Variants in ERG observed in about 807,000 individuals in gnomAD.
ERG encodes transcriptional regulator ERG.
A neutral mutation model predicts 55.3 loss-of-function variants in ERG; 9 were observed. The ratio of observed to expected loss-of-function variants is 0.16; its 90% CI spans 0.10 to 0.28. The LOEUF is 0.28. ERG is among the 10% of genes least tolerant of loss of function. The probability of loss-of-function intolerance (pLI) is 1.00; values close to 1 mark genes in which losing one functional copy is unlikely to be tolerated. For synonymous variants in ERG, 223 were observed against 237.3 expected (o/e 0.94, Z 0.55); for missense variants, 434 against 631.6 (o/e 0.69, Z 3.35).
intron 2 of ERG, among the ~76,000 whole-genome samples, chr21:38,550,564 TC>T (rs1189952214): frequency 6.6e-6 from 1 of 152,142 alleles, no homozygotes; most frequent in Non-Finnish European, 1.5e-5. Flanking sequence ...AAGATGGACA[TC>T]TATGAATCAG....
chr21:38,542,383 G>A (rs1343608798), intron 2 of ERG, among the ~76,000 whole-genome samples: 1 of 152,188 alleles, frequency 6.6e-6, no homozygotes, highest in African/African-American at 2.4e-5. Flanking sequence ...TTCTCTGTGT[G>A]TATTTTCCAC....
At chr21:38,485,178 T>C (rs1227056623) in intron 1 of ERG, among the ~76,000 whole-genome samples, 1 of 152,112 alleles carries the variant, frequency 6.6e-6, no homozygotes, top group African/African-American at 2.4e-5. Flanking sequence ...GTGATATTGA[T>C]GATCCTGACC....
intron 2 of ERG, among the ~76,000 whole-genome samples, chr21:38,568,093 C>T (rs1053844501): frequency 1.4e-5 from 2 of 140,644 alleles, no homozygotes; most frequent in African/African-American, 2.5e-5. Flanking sequence ...TAATTTTTTC[C>T]GTAAGATTTC....
Position 38,601,426 on chromosome 21 carries a change from GA to G in ERG, c.-149-16482del, listed in dbSNP as rs138045867. Among the ~76,000 whole-genome samples, 169 of 147,112 alleles carry G rather than the reference GA, an allele frequency of 1.1e-3. 1 individual carries two copies. The highest frequency in any genetic ancestry group is 4.1e-3 in the Admixed American group (61 of 14,786). On this transcript the variant is annotated intron_variant, in intron 1 of 10. Transcript: ENST00000398910. Reference sequence around the variant, plus strand: ...TTATTGTCATAGACATGCTCACTAAGAAAAAAAAAATCATACAGAGAAATAG... The same window carrying G: ...TTATTGTCATAGACATGCTCACTAAGAAAAAAAAATCATACAGAGAAATAG...
chr21:38,644,944 C>T (rs1410426504), intron 1 of ERG, among the ~76,000 whole-genome samples: 1 of 152,074 alleles, frequency 6.6e-6, no homozygotes, highest in Non-Finnish European at 1.5e-5. Context: ...ATCTCTTGAG[C>T]CCAGGAGTTA....
chr21:38,573,122 T>A (rs1006297453), intron 2 of ERG, among the ~76,000 whole-genome samples: 2 of 152,212 alleles, frequency 1.3e-5, no homozygotes, highest in Non-Finnish European at 2.9e-5. Flanking sequence ...AGCAGTATAC[T>A]TGGTAAAAGT....
At chr21:38,555,227 T>C (rs1325661458) in intron 2 of ERG, among the ~76,000 whole-genome samples, 2 of 151,818 alleles carry the variant, frequency 1.3e-5, no homozygotes, top group African/African-American at 4.8e-5. Flanking sequence ...CTCAGGAGGC[T>C]GAGGCAGGAG....
intron 2 of ERG, among the ~76,000 whole-genome samples, chr21:38,511,161 G>T (rs575743385): frequency 1.3e-5 from 2 of 152,002 alleles, no homozygotes; most frequent in Non-Finnish European, 2.9e-5. Flanking sequence ...TATAAATGAA[G>T]AACAAAATCA....
chr21:38,386,938 G>A (rs4817945), intron 9 of ERG, among the ~76,000 whole-genome samples: 3,135 of 152,268 alleles, frequency 0.021, 120 homozygotes, highest in East Asian at 0.16. Context: ...AACCCTGTGG[G>A]TGAAAGGGAG....
intron 9 of ERG, among the ~76,000 whole-genome samples, chr21:38,387,962 C>A (rs753962788): frequency 6.6e-6 from 1 of 152,196 alleles, no homozygotes. Flanking sequence ...TTAATCACTG[C>A]GCAAACTTGC....
chr21:38,621,554 A>G (rs1039274227), intron 1 of ERG, among the ~76,000 whole-genome samples: 3 of 152,178 alleles, frequency 2.0e-5, no homozygotes, highest in African/African-American at 4.8e-5. Flanking sequence ...GCTGAGTCCG[A>G]CAGAGCTCCA....
intron 1 of ERG, among the ~76,000 whole-genome samples, chr21:38,476,297 A>G (rs764943434): frequency 5.9e-5 from 9 of 152,166 alleles, no homozygotes; most frequent in Non-Finnish European, 1.2e-4. Context: ...CCTCAGAGAG[A>G]GGCGGGCTGC....
Position 38,407,646 on chromosome 21 carries a change from T to TATATATATATATATATATATATA in ERG, c.389-3938_389-3937insTATATATATATATATATATATAT, listed in dbSNP as rs34894423. Among the ~76,000 whole-genome samples, 1,033 of 142,484 alleles carry TATATATATATATATATATATATA rather than the reference T, an allele frequency of 7.2e-3. 40 individuals carry two copies. The highest frequency in any genetic ancestry group is 0.026 in the African/African-American group (957 of 37,308). 93.5% of individuals were successfully genotyped at this position (142,484 alleles called of 152,430 possible). The stretch of plus-strand genomic sequence containing the variant: ...GGTCTTACAAAAGGTATATATATAT[T>TATATATATATATATATATATATA]TAATGTATATTATATGTATACTATA... On this transcript the variant is annotated intron_variant, in intron 3 of 9. Coordinates refer to ENST00000288319, the MANE Select transcript of ERG (RefSeq NM_182918.4).
chr21:38,367,600 G>C, the ERG span: 1 of 522,430 alleles, frequency 1.9e-6, no homozygotes, highest in Non-Finnish European at 3.7e-6. Flanking sequence ...GTCACACACT[G>C]TCACATCTGC....
At chr21:38,495,749 A>C (rs2059374201) in intron 1 of ERG, among the ~76,000 whole-genome samples, 2 of 152,214 alleles carry the variant, frequency 1.3e-5, no homozygotes, top group South Asian at 4.1e-4. Flanking sequence ...AAAAGGAATC[A>C]GGAAAGTCTT....
intron 2 of ERG, among the ~76,000 whole-genome samples, chr21:38,560,404 C>T (rs2059885881): frequency 6.6e-6 from 1 of 152,200 alleles, no homozygotes; most frequent in Non-Finnish European, 1.5e-5. Context: ...GAGCCAATCA[C>T]TGACACAGCA....
chr21:38,398,625 G>A (rs747688736), intron 6 of ERG, among the ~76,000 whole-genome samples: 10 of 152,158 alleles, frequency 6.6e-5, no homozygotes, highest in Non-Finnish European at 1.3e-4. Context: ...GTTGGGCAGA[G>A]AGGGAGTCCC....
At chr21:38,495,254 T>C (rs1284004932) in intron 1 of ERG, among the ~76,000 whole-genome samples, 5 of 152,124 alleles carry the variant, frequency 3.3e-5, no homozygotes, top group Non-Finnish European at 7.4e-5. Context: ...AGACGTGGCG[T>C]ATATAATGCA....
intron 1 of ERG, among the ~76,000 whole-genome samples, chr21:38,659,965 G>A (rs748815187): frequency 6.6e-6 from 1 of 152,178 alleles, no homozygotes; most frequent in Non-Finnish European, 1.5e-5. Context: ...TGGTAAACTG[G>A]AGGCAAATAA....
Sources: allele counts gnomAD v4.1 joint callset (sites outside exome capture counted in the v4.1 genomes callset), GRCh38; gene constraint gnomAD v4.1.1; transcripts MANE v1.5; gene names NCBI Gene and HGNC (gene_info 2026-07-23, HGNC 2026-07-21).